Variants in GRIK2 observed in about 807,000 individuals in gnomAD.
GRIK2 encodes glutamate ionotropic receptor kainate type subunit 2.
A neutral mutation model predicts 100.3 loss-of-function variants in GRIK2; 32 were observed. The ratio of observed to expected loss-of-function variants is 0.32; its 90% CI spans 0.24 to 0.43. The LOEUF (loss-of-function observed/expected upper bound fraction) is 0.43. Ranked by LOEUF, GRIK2 falls within the 20% of genes least tolerant of loss-of-function variation. GRIK2 has a pLI of 1.00. For missense variants in GRIK2, 843 were observed against 1,114.9 expected, an observed-to-expected ratio of 0.76 and a Z score of 3.47; for synonymous variants, 417 against 389.4, an observed-to-expected ratio of 1.07 and a Z score of -0.83.
chr6:101,807,795 C>T (rs535963871), intron 9 of GRIK2, among the ~76,000 whole-genome samples: 154 of 152,054 alleles, frequency 1.0e-3, no homozygotes, highest in African/African-American at 3.3e-3. Context: ...TTGTGTTTGG[C>T]TTCCTGAGGT....
intron 2 of GRIK2, among the ~76,000 whole-genome samples, chr6:101,607,423 A>G (rs1320177947): frequency 3.9e-5 from 6 of 152,032 alleles, no homozygotes; most frequent in Non-Finnish European, 7.4e-5. Flanking sequence ...ATTGTAAAGC[A>G]ATAAAAGTCA....
intron 9 of GRIK2, among the ~76,000 whole-genome samples, chr6:101,810,664 C>G (rs1455733289): frequency 6.6e-6 from 1 of 152,008 alleles, no homozygotes; most frequent in Non-Finnish European, 1.5e-5. Flanking sequence ...CTTAAGTGCT[C>G]TCTTTTCAAC....
intron 2 of GRIK2, among the ~76,000 whole-genome samples, chr6:101,537,584 G>A (rs1461010430): frequency 6.6e-6 from 1 of 151,572 alleles, no homozygotes; most frequent in African/African-American, 2.4e-5. Context: ...ATGGGCATCT[G>A]TGCTACAAAG....
At chr6:101,902,377 G>T (rs1370225991) in intron 12 of GRIK2, among the ~76,000 whole-genome samples, 1 of 151,946 alleles carries the variant, frequency 6.6e-6, no homozygotes, top group Non-Finnish European at 1.5e-5. Flanking sequence ...ATATGTGGAA[G>T]ATAATGACAA....
chr6:101,773,281 C>A (rs1466318998), intron 7 of GRIK2, among the ~76,000 whole-genome samples: 2 of 151,946 alleles, frequency 1.3e-5, no homozygotes, highest in East Asian at 3.9e-4. Context: ...GAGATCGAGA[C>A]CATCCTGGCT....
chr6:101,415,926 G>T (rs2128239080), intron 2 of GRIK2, among the ~76,000 whole-genome samples: 1 of 152,278 alleles, frequency 6.6e-6, no homozygotes, highest in Admixed American at 6.5e-5. Flanking sequence ...AGATAAAATA[G>T]ATAAAATGCG....
At chr6:101,832,013 A>G (rs576606397) in intron 10 of GRIK2, among the ~76,000 whole-genome samples, 1 of 152,276 alleles carries the variant, frequency 6.6e-6, no homozygotes, top group African/African-American at 2.4e-5. Flanking sequence ...GGCTCTGGAA[A>G]TAAAAGAAGT....
At chr6:101,960,048 G>GTTTTTTTTTTTTTTTTTTTTTTTTT in intron 14 of GRIK2, among the ~76,000 whole-genome samples, 1 of 118,264 alleles carries the variant, frequency 8.5e-6, no homozygotes. Context: ...TTTTTTTAGT[G>GTTTTTTTTTTTTTTTTTTTTTTTTT]TTTTGTTTTT....
At position 101,461,736 on chromosome 6, in the gene GRIK2, G is replaced by GA. The variant is rs201850546; in HGVS notation, c.115+62350dup. On this transcript the variant is annotated intron_variant, in intron 2 of 16. Transcript: ENST00000369134. Reference sequence around the variant, plus strand: ...GCCATTTTTCTGCCTACCCCAGGCTGAAAAAACTGAGTTTAACATAAGCTC... The same window carrying GA: ...GCCATTTTTCTGCCTACCCCAGGCTGAAAAAAACTGAGTTTAACATAAGCTC... Among the ~76,000 whole-genome samples the GA allele has an allele frequency of 4.1e-3, 629 of 152,206 alleles. 3 individuals carry two copies. The highest frequency in any genetic ancestry group is 0.014 in the African/African-American group (595 of 41,544).
intron 14 of GRIK2, among the ~76,000 whole-genome samples, chr6:102,005,754 A>G (rs1197547162): frequency 6.6e-6 from 1 of 152,148 alleles, no homozygotes; most frequent in Non-Finnish European, 1.5e-5. Context: ...AGTGTATTAT[A>G]TTACTTTGGT....
intron 11 of GRIK2, among the ~76,000 whole-genome samples, chr6:101,878,476 A>G (rs920943641): frequency 3.3e-5 from 5 of 151,890 alleles, no homozygotes; most frequent in African/African-American, 1.2e-4. Flanking sequence ...TGCCATTTGT[A>G]TTCCCAGTAG....
intron 2 of GRIK2, 116 bp downstream of exon 2, chr6:101,399,508 C>T (rs1775159616): frequency 1.5e-6 from 1 of 679,040 alleles, no homozygotes; most frequent in South Asian, 1.7e-5. Flanking sequence ...GCTCACTGCT[C>T]TGTCGTCTCC....
At chr6:101,482,488 A>G (rs151000666) in intron 2 of GRIK2, among the ~76,000 whole-genome samples, 39 of 152,218 alleles carry the variant, frequency 2.6e-4, no homozygotes, top group Middle Eastern at 3.4e-3. Flanking sequence ...TGTGGGTGAG[A>G]CAAAAAGCGA....
chr6:101,993,966 A>C (rs1227985056), intron 14 of GRIK2: 2 of 148,014 alleles, frequency 1.4e-5, no homozygotes, highest in African/African-American at 4.9e-5. Context: ...GTATATATCT[A>C]TATATACATT....
At position 101,634,993 on chromosome 6, in the gene GRIK2, G is replaced by A. The variant is rs563452651; in HGVS notation, c.541+8356G>A. ...TTTATCTTGCACGTATATTTAAATAGGATAAAATAAAATTAAAGTTAATAT... is the reference window on the plus strand; with the variant it reads ...TTTATCTTGCACGTATATTTAAATAAGATAAAATAAAATTAAAGTTAATAT... On this transcript the variant is annotated intron_variant, in intron 4 of 16. Transcript: ENST00000369134. 3.9e-5 allele frequency among the ~76,000 whole-genome samples: 6 copies of A among 151,944 alleles called. No homozygotes were observed. In the South Asian group the frequency reaches 1.0e-3, roughly 26 times the overall value.
chr6:101,561,265 C>T (rs1341414513), intron 2 of GRIK2, among the ~76,000 whole-genome samples: 2 of 151,756 alleles, frequency 1.3e-5, no homozygotes, highest in Non-Finnish European at 2.9e-5. Context: ...TTGTAATGGG[C>T]TTAAAAGGAT....
At chr6:102,022,755 A>G (rs1769496319) in intron 14 of GRIK2, among the ~76,000 whole-genome samples, 1 of 151,510 alleles carries the variant, frequency 6.6e-6, no homozygotes, top group Admixed American at 6.6e-5. Flanking sequence ...TGATTCAGTC[A>G]CTTCATTCAT....
chr6:101,547,687 T>C (rs1776312190), intron 2 of GRIK2, among the ~76,000 whole-genome samples: 1 of 152,188 alleles, frequency 6.6e-6, no homozygotes, highest in South Asian at 2.1e-4. Flanking sequence ...CCATGGTGTA[T>C]ATGTGCCACA....
At chr6:101,467,676 G>T (rs1340259098) in intron 2 of GRIK2, among the ~76,000 whole-genome samples, 8 of 152,182 alleles carry the variant, frequency 5.3e-5, no homozygotes, top group East Asian at 1.9e-4. Flanking sequence ...TTTACACTCC[G>T]AGTGATTATA....
Sources: allele counts gnomAD v4.1 joint callset (sites outside exome capture counted in the v4.1 genomes callset), GRCh38; gene constraint gnomAD v4.1.1; transcripts MANE v1.5; gene names NCBI Gene and HGNC (gene_info 2026-07-23, HGNC 2026-07-21).